Variants in LIPF observed in about 807,000 individuals in gnomAD.
LIPF encodes the protein gastric triacylglycerol lipase.
Under a neutral mutation model 38.0 loss-of-function variants are expected in LIPF, and 25 were observed. The observed-to-expected ratio is 0.66, with a 90% CI of 0.48 to 0.92. The LOEUF (loss-of-function observed/expected upper bound fraction) is 0.92. Among genes scored for constraint, LIPF ranks in the 40% least tolerant of loss-of-function variants. The probability of loss-of-function intolerance (pLI) is 0.00; values close to 1 mark genes in which losing one functional copy is unlikely to be tolerated. For missense variants in LIPF, 410 were observed against 469.9 expected, an observed-to-expected ratio of 0.87 and a Z score of 1.18; for synonymous variants, 161 against 156.2, an observed-to-expected ratio of 1.03 and a Z score of -0.23.
intron 1 of LIPF, among the ~76,000 whole-genome samples, chr10:88,665,980 G>A (rs1444781769): frequency 2.0e-5 from 3 of 151,956 alleles, no homozygotes; most frequent in South Asian, 2.1e-4. Flanking sequence ...CTCCTGATCC[G>A]CCCGCCTCGG....
intron 6 of LIPF, among the ~76,000 whole-genome samples, chr10:88,672,670 ACTCTCT>A (rs60719768): frequency 0.055 from 6,085 of 110,086 alleles, 292 homozygotes; most frequent in African/African-American, 0.14. Context: ...ACACACACAC[ACTCTCT>A]CTCTCTCTCT....
intron 7 of LIPF, among the ~76,000 whole-genome samples, chr10:88,674,631 T>G (rs1349056560): frequency 6.6e-6 from 1 of 152,238 alleles, no homozygotes; most frequent in Non-Finnish European, 1.5e-5. Flanking sequence ...TGTCTTGATT[T>G]CCTCATCCAC....
chr10:88,675,686 T>C (rs1841676026), intron 8 of LIPF, 29 bp downstream of exon 8: 2 of 1,524,662 alleles, frequency 1.3e-6, no homozygotes, highest in Non-Finnish European at 1.8e-6. Context: ...TGTTAAAATG[T>C]ATTTTGTGAG....
At position 88,673,595 on chromosome 10, in the gene LIPF, T is replaced by C; in HGVS notation, c.677T>C (p.Phe226Ser). 1 of 1,609,388 alleles carries C rather than the reference T, an allele frequency of 6.2e-7. No homozygotes were observed. Among genetic ancestry groups the C allele is most frequent in the South Asian group, 1.1e-5 (1 of 89,910 alleles). ...AGTGCCTTTATTTTTCAGTTTATAT[T>C]TGGTGACAAAATATTCTACCCACAC... ...FVPQSLFKFIFGDKIFYPHNF... is the reference protein window; with the variant it reads ...FVPQSLFKFISGDKIFYPHNF... The change falls in exon 7 of 10, where the codon TTT becomes TCT. Residue 226 changes from phenylalanine (F) to serine (S), a missense_variant. Transcript: ENST00000238983.
Position 88,667,376 on chromosome 10 carries a change from G to A in LIPF, c.79G>A (p.Gly27Arg). Residue 27 changes from glycine (G) to arginine (R), a missense_variant, in exon 2 of 10, where the codon GGA becomes AGA. By Grantham distance (125) the Gly-to-Arg change is moderately radical. Transcript: ENST00000238983. ...THGLFGKLHP[G>R]SPEVTMNISQ... is the part of the protein sequence containing the mutation. ...TGGTTTGTTTGGAAAATTACATCCT[G>A]GAAGCCCTGAAGTGACTATGAACAT... 5 of 1,606,660 alleles carry A rather than the reference G, an allele frequency of 3.1e-6. No individual in the cohort carries two copies. The highest frequency in any genetic ancestry group is 1.7e-4 in the Middle Eastern group (1 of 6,040).
chr10:88,674,735 G>A (rs1057296484), intron 7 of LIPF, among the ~76,000 whole-genome samples: 2 of 152,080 alleles, frequency 1.3e-5, no homozygotes, highest in African/African-American at 4.8e-5. Flanking sequence ...AGCATATAAG[G>A]TTTTCTACTA....
intron 5 of LIPF, among the ~76,000 whole-genome samples, chr10:88,670,938 C>G (rs1024902767): frequency 1.3e-5 from 2 of 152,026 alleles, no homozygotes; most frequent in African/African-American, 4.8e-5. Context: ...CTTGGAAAAA[C>G]CATTCTTCCA....
rs1046656844 is a variant in LIPF, at chr10:88,678,738, A to G, written c.*57A>G. ...TCCAAAATACTTTATTCTCTCATAC[A>G]TAGTATTTTCATAATGTTTGACATG... On this transcript the variant is annotated 3_prime_UTR_variant, in exon 10 of 10. Coordinates refer to ENST00000238983, the MANE Select transcript of LIPF (RefSeq NM_004190.4). 2 of 1,161,496 alleles carry G rather than the reference A, an allele frequency of 1.7e-6. No individual in the cohort carries two copies. The highest frequency in any genetic ancestry group is 2.4e-5 in the East Asian group (1 of 42,232). The allele number at this position is 1,161,496 out of a possible 1,614,324, so 71.9% of individuals were successfully genotyped here.
At chr10:88,668,812 G>A (rs368452528) in intron 4 of LIPF, 56 bp downstream of exon 4, 1 of 1,469,340 alleles carries the variant, frequency 6.8e-7, no homozygotes. Flanking sequence ...ATAGGCATTT[G>A]CCCCTTCTAA....
intron 1 of LIPF, among the ~76,000 whole-genome samples, chr10:88,666,658 A>G (rs1176266528): frequency 6.6e-6 from 1 of 152,118 alleles, no homozygotes; most frequent in Non-Finnish European, 1.5e-5. Context: ...GGAGTTCGAG[A>G]CCAGTCTGAG....
rs68081693 is a variant in LIPF at position 88,665,737 on chromosome 10, A to ATTTTTT, written c.-12+1265_-12+1270dup. On this transcript the variant is annotated intron_variant, in intron 1 of 9. Coordinates refer to ENST00000238983, the MANE Select transcript of LIPF (RefSeq NM_004190.4). ...AAAAACAAGGCTTAGTTAAAAACTG[A>ATTTTTT]TTTTTTTTTTTTTTTTTTTTTTTTG... 1.2e-3 allele frequency among the ~76,000 whole-genome samples: 118 copies of ATTTTTT among 100,238 alleles called. 2 individuals carry two copies. The highest frequency in any genetic ancestry group is 1.8e-3 in the South Asian group (5 of 2,726). 65.8% of individuals were successfully genotyped at this position (100,238 alleles called of 152,430 possible).
rs1333626695 is a variant in LIPF at position 88,668,521 on chromosome 10, A to G, written c.224-37A>G. 3 of 1,577,130 alleles carry G rather than the reference A, an allele frequency of 1.9e-6. No individual in the cohort carries two copies. In the African/African-American group the frequency reaches 4.0e-5, roughly 21 times the overall value. On this transcript the variant is annotated intron_variant, in intron 3 of 9. Coordinates refer to ENST00000238983, the MANE Select transcript of LIPF (RefSeq NM_004190.4). ...CCTCACATTTATCCTAGAATAAGGA[A>G]TACATTTATAAAGTTTATAAACATT...
In LIPF at chr10:88,669,892, A is replaced by G. The variant is rs776045079; in HGVS notation, c.478A>G (p.Lys160Glu). 2 of 1,613,790 alleles carry G rather than the reference A, an allele frequency of 1.2e-6. No individual in the cohort carries two copies. Among genetic ancestry groups the G allele is most frequent in the Admixed American group, 3.3e-5 (2 of 60,002 alleles). ...AGCCACAATCGACTTCATTGTAAAG[A>G]AAACTGGACAGAAGCAGCTACACTA... ...LPATIDFIVK[K>E]TGQKQLHYVG... The change falls in exon 5 of 10, where the codon AAA becomes GAA. Residue 160 changes from lysine (K) to glutamate (E), a missense_variant. Physicochemically the swap from Lys to Glu is moderately conservative, Grantham distance 56. Transcript: ENST00000238983.
chr10:88,678,015 G>T lies in LIPF; in HGVS notation c.961-430G>T, dbSNP rs540664153. 5.9e-5 allele frequency among the ~76,000 whole-genome samples: 9 copies of T among 152,260 alleles called. 1 individual carries two copies. In the Middle Eastern group the frequency reaches 0.024, roughly 403 times the overall value. The stretch of plus-strand genomic sequence containing the variant: ...TGAGATCATATTTTAGAGTGTTTGG[G>T]TAGAAACAACCTATTAACAATTAGA... On this transcript the variant is annotated intron_variant, in intron 9 of 9. Transcript: ENST00000238983.
intron 6 of LIPF, among the ~76,000 whole-genome samples, chr10:88,672,370 A>G (rs1372098318): frequency 6.6e-6 from 1 of 152,116 alleles, no homozygotes; most frequent in Non-Finnish European, 1.5e-5. Flanking sequence ...AGGGAAAGGA[A>G]GGGGAGGGAA....
At chr10:88,668,895 G>T in intron 4 of LIPF, 139 bp downstream of exon 4, 1 of 729,764 alleles carries the variant, frequency 1.4e-6, no homozygotes, top group Non-Finnish European at 2.2e-6. Flanking sequence ...ATCCATTCTT[G>T]GATTCTTCCA....
intron 7 of LIPF, chr10:88,675,346 T>C (rs780284349): frequency 2.4e-6 from 1 of 425,260 alleles, no homozygotes; most frequent in Non-Finnish European, 4.2e-6. Context: ...CCAATTTTCA[T>C]GTTGATAAAA....
At chr10:88,667,745 C>T (rs1451909049) in intron 3 of LIPF, 59 bp downstream of exon 3, 1 of 725,736 alleles carries the variant, frequency 1.4e-6, no homozygotes, top group Non-Finnish European at 2.4e-6. Context: ...CTTCTTTCTT[C>T]TTCCTTCCCT....
rs71471111 is a variant in LIPF at position 88,672,625 on chromosome 10, A to AACACAC, written c.669+701_669+706dup. Among the ~76,000 whole-genome samples, 334 of 130,934 alleles carry AACACAC rather than the reference A, an allele frequency of 2.6e-3. 3 individuals carry two copies. The highest frequency in any genetic ancestry group is 1.0e-2 in the South Asian group (36 of 3,608). The allele number at this position is 130,934 out of a possible 152,430, so 85.9% of individuals were successfully genotyped here. On this transcript the variant is annotated intron_variant, in intron 6 of 9. Coordinates refer to ENST00000238983, the MANE Select transcript of LIPF (RefSeq NM_004190.4). ...CCTAATTCTCTCACCCAGTAAAACC[A>AACACAC]ACACACACACACACACACACACACA...
Sources: allele counts gnomAD v4.1 joint callset (sites outside exome capture counted in the v4.1 genomes callset), GRCh38; gene constraint gnomAD v4.1.1; transcripts MANE v1.5; gene names NCBI Gene and HGNC (gene_info 2026-07-23, HGNC 2026-07-21).